FSHR: variants seen among roughly 807,000 people sequenced by gnomAD.
The protein encoded by FSHR is follicle-stimulating hormone receptor.
A neutral mutation model predicts 52.1 loss-of-function variants in FSHR; 46 were observed. That is an observed-to-expected ratio of 0.88 (90% CI 0.70 to 1.13). The LOEUF (loss-of-function observed/expected upper bound fraction) is 1.13. Ranked by LOEUF, FSHR falls within the 50% of genes most tolerant of loss-of-function variation. FSHR has a pLI of 0.00. For missense variants in FSHR, 964 were observed against 834.6 expected, an observed-to-expected ratio of 1.16 and a Z score of -1.91; for synonymous variants, 399 against 309.6, an observed-to-expected ratio of 1.29 and a Z score of -3.03.
intron 2 of FSHR, among the ~76,000 whole-genome samples, chr2:49,064,097 C>T (rs1306390383): frequency 6.8e-6 from 1 of 146,546 alleles, no homozygotes; most frequent in Non-Finnish European, 1.5e-5. Flanking sequence ...TTTGCACATG[C>T]ATGGTGGGGC....
intron 1 of FSHR, among the ~76,000 whole-genome samples, chr2:49,131,853 C>T (rs573648984): frequency 6.6e-6 from 1 of 152,206 alleles, no homozygotes; most frequent in South Asian, 2.1e-4. Context: ...TATTTAAATC[C>T]TTTTTTATAC....
intron 4 of FSHR, chr2:48,997,320 CTT>C (rs1314562957): frequency 2.0e-6 from 2 of 984,760 alleles, no homozygotes; most frequent in Non-Finnish European, 2.4e-6. Flanking sequence ...AACTGGAACT[CTT>C]TGTCTCAGTC....
At chr2:48,968,977 A>T (rs1674609758) in intron 8 of FSHR, 94 bp from the exon 9 acceptor site, 1 of 1,102,880 alleles carries the variant, frequency 9.1e-7, no homozygotes, top group Non-Finnish European at 1.3e-6. Context: ...CACTAGTGAT[A>T]TTCTTACATG....
rs531344062 is a variant in FSHR, at chr2:48,994,581, C to T, written c.375-3944G>A. Among the ~76,000 whole-genome samples, 317 of 151,452 alleles carry T rather than the reference C, an allele frequency of 2.1e-3. 3 individuals carry two copies. The highest frequency in any genetic ancestry group is 0.011 in the South Asian group (51 of 4,770). ...GATAATACAGGAAATGGAGTTCAGA[C>T]GAACACTTAGTTTTCAATTCATTTT... On this transcript the variant is annotated intron_variant, in intron 4 of 9. Transcript: ENST00000406846.
rs185681720 is a variant in FSHR, at chr2:49,056,902, A to G, written c.224+11317T>C. Reference sequence around the variant, plus strand: ...ACACTACATGGAAATTAAACAGCACATTTCTGAATAATCAATGGGTAAAGA... The same window carrying G: ...ACACTACATGGAAATTAAACAGCACGTTTCTGAATAATCAATGGGTAAAGA... On this transcript the variant is annotated intron_variant, in intron 2 of 9. Transcript: ENST00000406846. Among the ~76,000 whole-genome samples, 558 of 152,264 alleles carry G rather than the reference A, an allele frequency of 3.7e-3. 3 individuals carry two copies. Among genetic ancestry groups the G allele is most frequent in the Non-Finnish European group, 6.2e-3 (424 of 67,976 alleles).
chr2:49,133,472 T>C (rs946439737), intron 1 of FSHR, among the ~76,000 whole-genome samples: 1 of 152,060 alleles, frequency 6.6e-6, no homozygotes, highest in Non-Finnish European at 1.5e-5. Flanking sequence ...AGAATCAATA[T>C]CATCAAAATG....
At position 48,962,769 on chromosome 2, in the gene FSHR, G is replaced by T. The variant is rs1674285440; in HGVS notation, c.2052C>A (p.Tyr684Ter). The T allele has an allele frequency of 6.2e-7, 1 of 1,613,980 alleles. No individual in the cohort carries two copies. Among genetic ancestry groups the T allele is most frequent in the Non-Finnish European group, 8.5e-7 (1 of 1,179,932 alleles). The change falls in exon 10 of 10, where the codon TAC becomes TAA. Residue 684 changes from tyrosine to a stop codon, truncating the protein, a stop_gained. Transcript: ENST00000406846. LOFTEE classifies it high-confidence loss of function. The part of the protein sequence containing the change: ...SAPRVTSGST[Y>*]ILVPLSHLAQ... ...CTAAATGACTTAGAGGGACAAGTATGTAAGTGGAACCACTGGTGACTCTGG... is the reference window on the plus strand; with the variant it reads ...CTAAATGACTTAGAGGGACAAGTATTTAAGTGGAACCACTGGTGACTCTGG...
chr2:49,146,251 T>C (rs1672865190), intron 1 of FSHR, among the ~76,000 whole-genome samples: 1 of 152,074 alleles, frequency 6.6e-6, no homozygotes, highest in African/African-American at 2.4e-5. Flanking sequence ...TCCTATCTTA[T>C]GAACCAACAT....
intron 2 of FSHR, among the ~76,000 whole-genome samples, chr2:49,054,380 C>G (rs1668978217): frequency 6.6e-6 from 1 of 152,128 alleles, no homozygotes; most frequent in African/African-American, 2.4e-5. Flanking sequence ...GAAACAGCCC[C>G]AGAATCCACC....
intron 1 of FSHR, among the ~76,000 whole-genome samples, chr2:49,113,720 T>C (rs1304819640): frequency 6.6e-6 from 1 of 152,192 alleles, no homozygotes; most frequent in African/African-American, 2.4e-5. Context: ...ATTTTGACAG[T>C]GACTTTTGTA....
chr2:49,025,885 C>T (rs1667896653), intron 2 of FSHR, among the ~76,000 whole-genome samples: 1 of 152,166 alleles, frequency 6.6e-6, no homozygotes, highest in South Asian at 2.1e-4. Flanking sequence ...CATGTATGTG[C>T]CTCAACATGG....
chr2:49,036,422 G>A (rs569105444), intron 2 of FSHR, among the ~76,000 whole-genome samples: 3 of 151,026 alleles, frequency 2.0e-5, no homozygotes, highest in African/African-American at 7.3e-5. Context: ...TATTTATATG[G>A]ATATATTTTA....
chr2:48,991,125 G>A (rs1675756098), intron 4 of FSHR, among the ~76,000 whole-genome samples: 1 of 152,120 alleles, frequency 6.6e-6, no homozygotes, highest in African/African-American at 2.4e-5. Flanking sequence ...ACTGGTTAGA[G>A]GTTGGTTAGA....
chr2:48,983,707 G>T (rs1011180944), intron 6 of FSHR, among the ~76,000 whole-genome samples: 1 of 152,210 alleles, frequency 6.6e-6, no homozygotes, highest in Non-Finnish European at 1.5e-5. Flanking sequence ...GACCCATAGG[G>T]ACCTGGTTAT....
chr2:49,043,402 A>G (rs953826863), intron 2 of FSHR, among the ~76,000 whole-genome samples: 14 of 152,192 alleles, frequency 9.2e-5, no homozygotes, highest in Non-Finnish European at 7.3e-5. Context: ...TTTTACATGT[A>G]CCCTGATTTG....
intron 4 of FSHR, among the ~76,000 whole-genome samples, chr2:48,995,881 C>T (rs1239335672): frequency 6.6e-6 from 1 of 152,082 alleles, no homozygotes; most frequent in African/African-American, 2.4e-5. Flanking sequence ...CCAAATCTAC[C>T]ATGGCATGGA....
At chr2:48,969,878 G>C (rs148622782) in intron 8 of FSHR, among the ~76,000 whole-genome samples, 74 of 152,300 alleles carry the variant, frequency 4.9e-4, no homozygotes, top group African/African-American at 1.7e-3. Context: ...AGACCGGCTG[G>C]TGAGAACAAG....
intron 1 of FSHR, among the ~76,000 whole-genome samples, chr2:49,135,564 G>A (rs569349971): frequency 6.6e-6 from 1 of 151,970 alleles, no homozygotes; most frequent in Non-Finnish European, 1.5e-5. Flanking sequence ...GAAAAGAAGA[G>A]CAAATTAAAT....
chr2:48,978,885 T>C (rs1675112011), intron 8 of FSHR, among the ~76,000 whole-genome samples: 1 of 152,160 alleles, frequency 6.6e-6, no homozygotes, highest in African/African-American at 2.4e-5. Context: ...CTATCATCAG[T>C]TTGAGTGTGT....
Sources: allele counts gnomAD v4.1 joint callset (sites outside exome capture counted in the v4.1 genomes callset), GRCh38; gene constraint gnomAD v4.1.1; transcripts MANE v1.5; gene names NCBI Gene and HGNC (gene_info 2026-07-23, HGNC 2026-07-21).